The following N4BP2L2 variants were observed in gnomAD, a reference collection of about 807,000 sequenced individuals.
N4BP2L2 encodes the protein NEDD4 binding protein 2 like 2.
Under a neutral mutation model 56.2 loss-of-function variants are expected in N4BP2L2, and 50 were observed. The observed-to-expected ratio is 0.89, with a 90% confidence interval of 0.71 to 1.13. The LOEUF is 1.13. Ranked by LOEUF, N4BP2L2 falls within the 50% of genes most tolerant of loss-of-function variation. N4BP2L2 has a pLI of 0.00. For missense variants in N4BP2L2, 689 were observed against 693.8 expected (o/e 0.99, Z 0.08); for synonymous variants, 203 against 223.6 (o/e 0.91, Z 0.82).
At chr13:32,476,173 G>A (rs1021204111) in intron 6 of N4BP2L2, among the ~76,000 whole-genome samples, 5 of 152,074 alleles carry the variant, frequency 3.3e-5, no homozygotes, top group African/African-American at 1.2e-4. Context: ...AACCCAGAAG[G>A]GTCAGCTGAC....
chr13:32,433,553 A>G (rs2075072161), intron 9 of N4BP2L2, among the ~76,000 whole-genome samples: 1 of 152,034 alleles, frequency 6.6e-6, no homozygotes, highest in Admixed American at 6.6e-5. Context: ...GAATCGCTTG[A>G]ACCTGGGAGG....
chr13:32,519,767 A>G (rs183664281), intron 5 of N4BP2L2, among the ~76,000 whole-genome samples: 1 of 152,308 alleles, frequency 6.6e-6, no homozygotes. Flanking sequence ...CAAGATGCCA[A>G]TATTTATGAT....
intron 6 of N4BP2L2, among the ~76,000 whole-genome samples, chr13:32,457,846 A>G (rs2138625446): frequency 6.6e-6 from 1 of 152,320 alleles, no homozygotes. Context: ...AAATGTTACT[A>G]CTATTGAAAA....
exon 6 of N4BP2L2, chr13:32,510,454 T>C (rs1005350448): frequency 6.6e-6 from 1 of 152,036 alleles, no homozygotes; most frequent in Non-Finnish European, 1.5e-5. Flanking sequence ...TGATGTTTAA[T>C]TTACAGAAAA....
intron 3 of N4BP2L2, chr13:32,525,321 G>C (rs945953237): frequency 6.6e-6 from 1 of 151,994 alleles, no homozygotes; most frequent in Non-Finnish European, 1.5e-5. Flanking sequence ...TAATATATTT[G>C]GAGAAATTCT....
downstream of N4BP2L2, chr13:32,506,574 T>G (rs1032138341): frequency 1.3e-5 from 2 of 152,090 alleles, no homozygotes; most frequent in African/African-American, 4.8e-5. Context: ...AATAATAATA[T>G]ACAAATGAAT....
exon 6 of N4BP2L2, chr13:32,510,498 T>A (rs1030361465): frequency 3.9e-5 from 2 of 51,788 alleles, no homozygotes; most frequent in East Asian, 6.8e-4. Context: ...ACTCTATCAA[T>A]TTTTTTTTTT....
intron 6 of N4BP2L2, among the ~76,000 whole-genome samples, chr13:32,469,181 G>A (rs1443446712): frequency 6.6e-6 from 1 of 152,160 alleles, no homozygotes; most frequent in Non-Finnish European, 1.5e-5. Flanking sequence ...CCTGACATTT[G>A]GTGTAGTCCT....
chr13:32,513,909 C>T, exon 6 of N4BP2L2: 1 of 152,106 alleles, frequency 6.6e-6, no homozygotes, highest in East Asian at 1.9e-4. Flanking sequence ...AAAGAGACCA[C>T]AACCAATTTT....
At chr13:32,438,848 G>T (rs1201565022) in intron 7 of N4BP2L2, 4 of 708,414 alleles carry the variant, frequency 5.6e-6, no homozygotes, top group Non-Finnish European at 9.4e-6. Context: ...TAAAAGTCTG[G>T]TTTTAAAGAT....
intron 2 of N4BP2L2, among the ~76,000 whole-genome samples, chr13:32,527,777 CTCT>C (rs2053484268): frequency 1.5e-5 from 2 of 137,148 alleles, no homozygotes; most frequent in Non-Finnish European, 3.2e-5. Context: ...CTAACAGAAA[CTCT>C]TTTTTTTTTT....
chr13:32,469,627 T>TG (rs1398838402), intron 6 of N4BP2L2, among the ~76,000 whole-genome samples: 2 of 152,192 alleles, frequency 1.3e-5, no homozygotes, highest in Non-Finnish European at 2.9e-5. Flanking sequence ...CGGCAGCGTC[T>TG]GGGGGGTCCC....
At chr13:32,446,388 C>A in intron 6 of N4BP2L2, 1 of 1,365,264 alleles carries the variant, frequency 7.3e-7, no homozygotes, top group Non-Finnish European at 9.8e-7. Context: ...TAGTTGCAGT[C>A]CAAGGTGCAA....
At chr13:32,537,120 T>C in intron 1 of N4BP2L2, 93 bp from the exon 2 acceptor site, 1 of 902,562 alleles carries the variant, frequency 1.1e-6, no homozygotes, top group Non-Finnish European at 1.5e-6. Flanking sequence ...CAAAGACATT[T>C]AAATTTGTGA....
chr13:32,446,235 G>T, intron 6 of N4BP2L2: 1 of 563,810 alleles, frequency 1.8e-6, no homozygotes, highest in Non-Finnish European at 2.8e-6. Context: ...CTAGATATTG[G>T]TTTAGAAAAT....
exon 7 of N4BP2L2, chr13:32,443,361 A>T (rs751119050): frequency 6.2e-7 from 1 of 1,613,920 alleles, no homozygotes; most frequent in Non-Finnish European, 8.5e-7. Context: ...TAAACTTATG[A>T]GGTCCTGCAG....
exon 6 of N4BP2L2, chr13:32,514,847 A>G (rs1055928526): frequency 2.6e-5 from 4 of 152,152 alleles, no homozygotes; most frequent in African/African-American, 4.8e-5. Flanking sequence ...TAAAAAAACC[A>G]ACTAGGCCTG....
intron 6 of N4BP2L2, chr13:32,446,512 A>T (rs1407136489): frequency 7.7e-7 from 1 of 1,304,502 alleles, no homozygotes; most frequent in East Asian, 5.5e-5. Flanking sequence ...AAGAACAAAT[A>T]GAGTTTGTTG....
intron 6 of N4BP2L2, among the ~76,000 whole-genome samples, chr13:32,459,377 A>G (rs2079577687): frequency 6.6e-6 from 1 of 152,128 alleles, no homozygotes. Flanking sequence ...AACAAAATTA[A>G]ACACTAGCTA....
Sources: allele counts gnomAD v4.1 joint callset (sites outside exome capture counted in the v4.1 genomes callset), GRCh38; gene constraint gnomAD v4.1.1; transcripts MANE v1.5; gene names NCBI Gene and HGNC (gene_info 2026-07-23, HGNC 2026-07-21).